The following SAV1 variants were observed in gnomAD, a reference collection of about 807,000 sequenced individuals.
SAV1 encodes the protein protein salvador homolog 1.
SAV1 carries 23 observed loss-of-function variants against 47.3 expected under a neutral mutation model. That is an observed-to-expected ratio of 0.49 (90% confidence interval 0.35 to 0.69). The LOEUF (loss-of-function observed/expected upper bound fraction) is 0.69. Ranked by LOEUF, SAV1 falls within the 30% of genes least tolerant of loss-of-function variation. SAV1 has a pLI of 0.01. For synonymous variants in SAV1, 155 were observed against 159.2 expected (o/e 0.97, Z 0.20); for missense variants, 448 against 457.4 (o/e 0.98, Z 0.19).
intron 3 of SAV1, among the ~76,000 whole-genome samples, chr14:50,642,585 T>C (rs1234625802): frequency 2.6e-5 from 4 of 151,994 alleles, no homozygotes; most frequent in Admixed American, 6.6e-5. Context: ...CCATGCAATT[T>C]ACCCATGTAA....
At chr14:50,653,322 T>A (rs957586520) in intron 2 of SAV1, among the ~76,000 whole-genome samples, 2 of 152,210 alleles carry the variant, frequency 1.3e-5, no homozygotes, top group Admixed American at 1.3e-4. Flanking sequence ...TTCATCATTC[T>A]GAAATAGCAA....
chr14:50,647,623 A>G (rs1383708652), intron 2 of SAV1, among the ~76,000 whole-genome samples: 3 of 152,244 alleles, frequency 2.0e-5, no homozygotes, highest in Non-Finnish European at 2.9e-5. Context: ...AAGGGGGGTA[A>G]GAATTTTTAA....
At position 50,634,780 on chromosome 14, in the gene SAV1, T is replaced by C. The variant is rs2039619320; in HGVS notation, c.*403A>G. 1 of 167,612 alleles carries C rather than the reference T, an allele frequency of 6.0e-6. No individual in the cohort carries two copies. Among genetic ancestry groups the C allele is most frequent in the Non-Finnish European group, 1.3e-5 (1 of 78,468 alleles). The allele number at this position is 167,612 out of a possible 1,614,324, so 10.4% of individuals were successfully genotyped here. A position where few individuals can be genotyped will look rare whatever the true frequency, so the allele number is the denominator to read the frequency against. ...ATTTAAACCATCCCTTTCCAGACAATATTTCACACTACAGCGGTAAACTTT... is the reference window on the plus strand; with the variant it reads ...ATTTAAACCATCCCTTTCCAGACAACATTTCACACTACAGCGGTAAACTTT... On this transcript the variant is annotated 3_prime_UTR_variant, in exon 5 of 5. Coordinates refer to ENST00000324679, the MANE Select transcript of SAV1 (RefSeq NM_021818.4).
Position 50,665,768 on chromosome 14 carries a change from G to A in SAV1, c.95-149C>T. On this transcript the variant is annotated intron_variant, in intron 1 of 4. Transcript: ENST00000324679. ...TAAATTTTGGTTTAGGATGGTACTT[G>A]GGCATTTTAAATTGAGGAAGATTAA... 7.5e-6 allele frequency: 5 copies of A among 666,178 alleles called. No individual in the cohort carries two copies. The South Asian group carries it at 1.1e-4, about 14-fold the overall frequency. 41.3% of individuals were successfully genotyped at this position (666,178 alleles called of 1,614,324 possible). A position where few individuals can be genotyped will look rare whatever the true frequency, so the allele number is the denominator to read the frequency against.
intron 2 of SAV1, among the ~76,000 whole-genome samples, chr14:50,651,870 A>G (rs1308960879): frequency 6.6e-6 from 1 of 152,162 alleles, no homozygotes; most frequent in East Asian, 1.9e-4. Context: ...AGACTCAAGC[A>G]TTCCTCCCAT....
intron 2 of SAV1, among the ~76,000 whole-genome samples, chr14:50,663,514 T>C (rs1203565184): frequency 6.6e-6 from 1 of 152,222 alleles, no homozygotes; most frequent in Admixed American, 6.5e-5. Context: ...TCTTACTGCA[T>C]TTCCACATGC....
rs2039675021 is a variant in SAV1, at chr14:50,640,797, A to G, written c.903T>C (p.Thr301=). The change falls in exon 4 of 5, where the codon ACT becomes ACC. Residue 301 remains threonine (T), a synonymous_variant. Transcript: ENST00000324679. ...SLLVPANPYH[T]AEIPDWLQVY... The stretch of plus-strand genomic sequence containing the variant: ...CCTGAAGCCAGTCAGGAATTTCTGC[A>G]GTATGATATGGATTTGCAGGTACCA... The G allele has an allele frequency of 1.2e-6, 2 of 1,613,834 alleles. No individual in the cohort carries two copies. The highest frequency in any genetic ancestry group is 2.2e-5 in the South Asian group (2 of 91,044).
intron 2 of SAV1, among the ~76,000 whole-genome samples, chr14:50,645,941 G>A (rs1050820761): frequency 6.6e-6 from 1 of 152,036 alleles, no homozygotes; most frequent in Non-Finnish European, 1.5e-5. Flanking sequence ...GAATTGTGCA[G>A]GACCAATATG....
chr14:50,643,487 T>C (rs538979791), intron 3 of SAV1, among the ~76,000 whole-genome samples: 3 of 152,220 alleles, frequency 2.0e-5, no homozygotes, highest in Non-Finnish European at 4.4e-5. Context: ...CAGAACAACA[T>C]GGGGGAAATG....
intron 4 of SAV1, chr14:50,637,689 T>TA (rs1566739553): frequency 8.0e-6 from 1 of 124,290 alleles, no homozygotes; most frequent in Non-Finnish European, 1.6e-5. Flanking sequence ...TTTTTTTTTT[T>TA]AAGAGATGAA....
intron 1 of SAV1, among the ~76,000 whole-genome samples, 190 bp downstream of exon 1, chr14:50,667,684 C>G (rs1039191559): frequency 6.6e-6 from 1 of 151,978 alleles, no homozygotes; most frequent in Admixed American, 6.6e-5. Context: ...GGGGGACTAA[C>G]CCAAGTTTCT....
In SAV1 at chr14:50,665,584, T is replaced by C. The variant is rs1196621339; in HGVS notation, c.130A>G (p.Ile44Val). Residue 44 changes from isoleucine (I) to valine (V), a missense_variant, in exon 2 of 5, where the codon ATT (isoleucine) becomes GTT (valine). Ile to Val is a conservative substitution (Grantham distance 29). Coordinates refer to ENST00000324679, the MANE Select transcript of SAV1 (RefSeq NM_021818.4). The part of the protein sequence containing the change: ...MPSFIRHGPT[I>V]PRRTDICLPD... ...AGACAGATATCAGTTCGTCTTGGAA[T>C]TGTTGGACCATGCCGGATGAATGAA... The C allele has an allele frequency of 1.2e-6, 2 of 1,612,910 alleles. No individual in the cohort carries two copies. Among genetic ancestry groups the C allele is most frequent in the Non-Finnish European group, 1.7e-6 (2 of 1,179,366 alleles).
intron 2 of SAV1, among the ~76,000 whole-genome samples, chr14:50,648,539 G>T (rs996799208): frequency 2.9e-4 from 44 of 152,134 alleles, no homozygotes; most frequent in Non-Finnish European, 5.4e-4. Flanking sequence ...CAGCACTTTG[G>T]GAGGCCGAGG....
chr14:50,665,607 G>A lies in SAV1; in HGVS notation c.107C>T (p.Ser36Leu). ...AATTGTTGGACCATGCCGGATGAAT[G>A]AAGGCATAAGATCTACAATAAAACA... ...TSPLLRNLMP[S>L]FIRHGPTIPR... Residue 36 changes from serine (S) to leucine (L), a missense_variant, in exon 2 of 5, where the codon TCA (serine) becomes TTA (leucine). Ser to Leu is a moderately radical substitution (Grantham distance 145). Coordinates refer to ENST00000324679, the MANE Select transcript of SAV1 (RefSeq NM_021818.4). 2 of 1,602,424 alleles carry A rather than the reference G, an allele frequency of 1.2e-6. No homozygotes were observed. The highest frequency in any genetic ancestry group is 1.7e-6 in the Non-Finnish European group (2 of 1,174,314).
chr14:50,656,460 G>A (rs1031312858), intron 2 of SAV1, among the ~76,000 whole-genome samples: 2 of 55,168 alleles, frequency 3.6e-5, no homozygotes, highest in African/African-American at 8.3e-5. Context: ...TTTTTTTTTT[G>A]AGATGGAGTC....
At chr14:50,658,547 AAATAC>A (rs2039832027) in intron 2 of SAV1, among the ~76,000 whole-genome samples, 2 of 152,296 alleles carry the variant, frequency 1.3e-5, no homozygotes, top group South Asian at 4.1e-4. Context: ...TGCTTCTACT[AAATAC>A]AATAAGCTGA....
intron 2 of SAV1, among the ~76,000 whole-genome samples, chr14:50,659,498 C>T (rs544863440): frequency 1.3e-5 from 2 of 152,314 alleles, no homozygotes; most frequent in African/African-American, 4.8e-5. Flanking sequence ...AATTGTCTTC[C>T]TGTGGCAGCC....
chr14:50,643,322 G>A (rs2039695324), intron 3 of SAV1, among the ~76,000 whole-genome samples: 1 of 152,120 alleles, frequency 6.6e-6, no homozygotes, highest in African/African-American at 2.4e-5. Flanking sequence ...AGGTTTAATT[G>A]ACCCACAGTT....
At chr14:50,661,419 C>T (rs1037705598) in intron 2 of SAV1, among the ~76,000 whole-genome samples, 1 of 152,158 alleles carries the variant, frequency 6.6e-6, no homozygotes, top group African/African-American at 2.4e-5. Context: ...TCTGTTGTTT[C>T]CTTTACTGTG....
Sources: allele counts gnomAD v4.1 joint callset (sites outside exome capture counted in the v4.1 genomes callset), GRCh38; gene constraint gnomAD v4.1.1; transcripts MANE v1.5; gene names NCBI Gene and HGNC (gene_info 2026-07-23, HGNC 2026-07-21).